MAP2K3: variants seen among roughly 807,000 people sequenced by gnomAD.
MAP2K3 encodes mitogen-activated protein kinase kinase 3.
In MAP2K3, 30 loss-of-function variants were observed where a neutral mutation model predicts 46.4. The observed-to-expected ratio is 0.65, with a 90% CI of 0.48 to 0.88. The LOEUF is 0.88. MAP2K3 is among the 40% of genes least tolerant of loss of function. The probability of loss-of-function intolerance (pLI) is 0.00; values close to 1 mark genes in which losing one functional copy is unlikely to be tolerated. For synonymous variants in MAP2K3, 189 were observed against 176.3 expected (o/e 1.07, Z -0.57); for missense variants, 380 against 464.5 (o/e 0.82, Z 1.67).
chr17:21,291,378 C>CAACACAACACAACAT (rs1310713621), intron 1 of MAP2K3: 9 of 40,450 alleles, frequency 2.2e-4, no homozygotes, highest in Admixed American at 2.1e-3. Flanking sequence ...CAACACAACA[C>CAACACAACACAACAT]GTAGTGATAA....
intron 9 of MAP2K3, among the ~76,000 whole-genome samples, chr17:21,308,471 G>C (rs974966398): frequency 6.6e-6 from 1 of 152,296 alleles, no homozygotes; most frequent in Non-Finnish European, 1.5e-5. Flanking sequence ...CCTGGCCTGT[G>C]GCTGTAACTT....
At chr17:21,297,801 A>T (rs76434959) in intron 1 of MAP2K3, among the ~76,000 whole-genome samples, 11 of 662 alleles carry the variant, frequency 0.017, no homozygotes, top group Non-Finnish European at 0.062. Flanking sequence ...GGTGCAGGGG[A>T]GGGGAGAGAG....
intron 1 of MAP2K3, among the ~76,000 whole-genome samples, chr17:21,294,256 C>G (rs561144450): frequency 6.7e-6 from 1 of 149,474 alleles, no homozygotes; most frequent in South Asian, 2.1e-4. Flanking sequence ...CCTGGCAGGC[C>G]CAGAACTTCT....
intron 6 of MAP2K3, among the ~76,000 whole-genome samples, 166 bp downstream of exon 6, chr17:21,302,425 C>T (rs570407397): frequency 1.0e-4 from 16 of 152,428 alleles, no homozygotes; most frequent in African/African-American, 3.6e-4. Context: ...TCTCCTCCAC[C>T]CCAGACCAGA....
chr17:21,302,403 T>G, intron 6 of MAP2K3, 144 bp downstream of exon 6: 2 of 855,156 alleles, frequency 2.3e-6, no homozygotes, highest in Non-Finnish European at 3.8e-6. Flanking sequence ...GCAGCTGCCC[T>G]GCATAGGCCC....
Position 21,284,743 on chromosome 17 carries a change from G to C in MAP2K3, c.-178G>C. On this transcript the variant is annotated 5_prime_UTR_variant, in exon 1 of 12. Transcript: ENST00000342679. ...CTCCGGCGCCGCCCGTCGCGGACTC[G>C]TCCTTGCTGCAGTCGCCGCCGCAGT... The C allele has an allele frequency of 1.7e-6, 1 of 585,498 alleles. No homozygotes were observed. Among genetic ancestry groups the C allele is most frequent in the Non-Finnish European group, 2.8e-6 (1 of 360,964 alleles). The allele number at this position is 585,498 out of a possible 1,614,324, so 36.3% of individuals were successfully genotyped here.
At chr17:21,306,914 T>C (rs1976915525) in intron 9 of MAP2K3, among the ~76,000 whole-genome samples, 2 of 152,300 alleles carry the variant, frequency 1.3e-5, no homozygotes, top group Admixed American at 1.3e-4. Flanking sequence ...GTCTCCTGAG[T>C]AGCTGGAACT....
rs747859904 is a variant in MAP2K3 at position 21,314,279 on chromosome 17, A to T, written c.*49A>T. 1 of 1,476,592 alleles carries T rather than the reference A, an allele frequency of 6.8e-7. No individual in the cohort carries two copies. The highest frequency in any genetic ancestry group is 1.7e-5 in the Admixed American group (1 of 59,834). The allele number at this position is 1,476,592 out of a possible 1,614,324, so 91.5% of individuals were successfully genotyped here. ...CGGCCCTCCAGAGCCCCACAGCCCC[A>T]TCTGCGGGGGCAGTGCTCACCCACA... On this transcript the variant is annotated 3_prime_UTR_variant, in exon 12 of 12. Coordinates refer to ENST00000342679, the MANE Select transcript of MAP2K3 (RefSeq NM_145109.3).
chr17:21,304,627 G>A lies in MAP2K3; in HGVS notation c.696+74G>A, dbSNP rs41309278. On this transcript the variant is annotated intron_variant, in intron 8 of 11. Coordinates refer to ENST00000342679, the MANE Select transcript of MAP2K3 (RefSeq NM_145109.3). The stretch of plus-strand genomic sequence containing the variant: ...GAAATCTGCCCAGGCTGGCCACCCC[G>A]GCCATACCCTCTGTCCGTAGGGGCA... 7.9e-4 allele frequency: 1,234 copies of A among 1,555,632 alleles called. No individual in the cohort carries two copies. In the South Asian group the frequency reaches 9.6e-3, roughly 12 times the overall value.
chr17:21,291,940 G>A (rs181122967), intron 1 of MAP2K3, among the ~76,000 whole-genome samples: 3,838 of 150,572 alleles, frequency 0.025, no homozygotes, highest in Non-Finnish European at 0.039. Flanking sequence ...GGAGGAAACC[G>A]AGGCTTGCAC....
intron 1 of MAP2K3, chr17:21,295,728 G>C (rs1247940290): frequency 7.8e-7 from 1 of 1,289,460 alleles, no homozygotes; most frequent in African/African-American, 1.5e-5. Context: ...GAGGAGCGTG[G>C]TCCCCACCCA....
chr17:21,301,807 G>A (rs1258866546), intron 5 of MAP2K3, among the ~76,000 whole-genome samples: 1 of 152,182 alleles, frequency 6.6e-6, no homozygotes, highest in East Asian at 1.9e-4. Flanking sequence ...GGTCAGCAGG[G>A]CCGGCTGTTG....
chr17:21,299,052 A>C, intron 3 of MAP2K3, 126 bp downstream of exon 3: 1 of 1,417,988 alleles, frequency 7.1e-7, no homozygotes, highest in Non-Finnish European at 9.9e-7. Context: ...TCTGGAGAAG[A>C]GCCTCGTCCT....
chr17:21,287,853 C>G lies in MAP2K3; in HGVS notation c.49+2884C>G, dbSNP rs140239771. The G allele has an allele frequency of 1.0e-4, 39 of 379,452 alleles. No homozygotes were observed. In the East Asian group the frequency reaches 2.9e-3, roughly 28 times the overall value. The allele number at this position is 379,452 out of a possible 1,614,324, so 23.5% of individuals were successfully genotyped here. A position where few individuals can be genotyped will look rare whatever the true frequency, so the allele number is the denominator to read the frequency against. On this transcript the variant is annotated intron_variant, in intron 1 of 11. Transcript: ENST00000342679. ...TGTGGCTGTAGGACTCCTGACTGCCCGATGGTGACACTGAGGTTTCATAGA... is the reference window on the plus strand; with the variant it reads ...TGTGGCTGTAGGACTCCTGACTGCCGGATGGTGACACTGAGGTTTCATAGA...
In MAP2K3 at chr17:21,291,360, A is replaced by ACACAACACAG. The variant is rs1239809086; in HGVS notation, c.49+6400_49+6401insGCACAACACA. On this transcript the variant is annotated intron_variant, in intron 1 of 11. Coordinates refer to ENST00000342679, the MANE Select transcript of MAP2K3 (RefSeq NM_145109.3). ...GTACAATACAATACAACACAACACA[A>ACACAACACAG]CACAACACAACACAACACGTAGTGA... 6 of 421,194 alleles carry ACACAACACAG rather than the reference A, an allele frequency of 1.4e-5. No homozygotes were observed. In the East Asian group the frequency reaches 4.3e-4, roughly 30 times the overall value. 26.1% of individuals were successfully genotyped at this position (421,194 alleles called of 1,614,324 possible).
intron 1 of MAP2K3, among the ~76,000 whole-genome samples, chr17:21,293,315 T>G (rs1231051686): frequency 2.0e-5 from 3 of 152,142 alleles, no homozygotes; most frequent in Non-Finnish European, 4.4e-5. Flanking sequence ...CCGTGTTGCC[T>G]CCTTCCCTCT....
intron 1 of MAP2K3, chr17:21,291,354 A>AACACAACACAACACG (rs1408386864): frequency 2.4e-6 from 1 of 408,590 alleles, no homozygotes; most frequent in African/African-American, 2.0e-5. Flanking sequence ...AATACAACAC[A>AACACAACACAACACG]ACACAACACA....
intron 1 of MAP2K3, among the ~76,000 whole-genome samples, chr17:21,294,609 C>T (rs367668882): frequency 5.5e-3 from 841 of 152,020 alleles, no homozygotes; most frequent in Admixed American, 9.2e-3. Flanking sequence ...CGTGTGGCCT[C>T]TCTAAGTCAC....
At chr17:21,303,302 A>G (rs1976709344) in intron 7 of MAP2K3, 68 bp downstream of exon 7, 6 of 1,606,728 alleles carry the variant, frequency 3.7e-6, no homozygotes, top group East Asian at 2.2e-5. Flanking sequence ...AGGCGGGTGG[A>G]CGTCTCCCTA....
Sources: gnomAD v4.1 joint callset for allele counts (sites outside exome capture counted in the v4.1 genomes callset) on GRCh38, gnomAD v4.1.1 for gene constraint, MANE v1.5 for transcripts, NCBI Gene and HGNC (gene_info 2026-07-23, HGNC 2026-07-21) for gene names.